The following GABBR2 variants were observed in gnomAD, a reference collection of about 807,000 sequenced individuals.
GABBR2 encodes gamma-aminobutyric acid type B receptor subunit 2.
Under a neutral mutation model 105.6 loss-of-function variants are expected in GABBR2, and 23 were observed. The observed-to-expected ratio is 0.22, with a 90% CI of 0.16 to 0.31. The LOEUF is 0.31. GABBR2 is among the 10% of genes least tolerant of loss of function. The pLI is 1.00. For missense variants in GABBR2, 734 were observed against 1,245.5 expected (o/e 0.59, Z 6.18); for synonymous variants, 478 against 499.7 (o/e 0.96, Z 0.58).
intron 13 of GABBR2, among the ~76,000 whole-genome samples, chr9:98,311,527 A>G (rs1358243938): frequency 6.6e-6 from 1 of 152,210 alleles, no homozygotes; most frequent in Admixed American, 6.5e-5. Context: ...AACCTGGCCC[A>G]ATGCAGGTAC....
chr9:98,373,851 CTT>C (rs577915397), intron 11 of GABBR2, among the ~76,000 whole-genome samples: 9 of 86,676 alleles, frequency 1.0e-4, no homozygotes, highest in Admixed American at 2.8e-4. Flanking sequence ...CAAAGCATTC[CTT>C]TTTTTTTTTT....
intron 7 of GABBR2, among the ~76,000 whole-genome samples, chr9:98,439,623 T>C (rs1057153980): frequency 6.6e-6 from 1 of 152,188 alleles, no homozygotes; most frequent in African/African-American, 2.4e-5. Context: ...GGGATGTGTG[T>C]GTGCATGCAT....
chr9:98,599,278 G>A (rs1184580112), intron 1 of GABBR2, among the ~76,000 whole-genome samples: 1 of 152,142 alleles, frequency 6.6e-6, no homozygotes, highest in Non-Finnish European at 1.5e-5. Flanking sequence ...CCCTTCTGGA[G>A]ATTTTATATG....
rs563523598 is a variant in GABBR2 at position 98,336,609 on chromosome 9, G to A, written c.1894-25404C>T. ...AGTCCCAGCTACTCGGGAGGCTGAG[G>A]CAGGAGAATCGCTTGAACCCAGGAG... On this transcript the variant is annotated intron_variant, in intron 13 of 18. Transcript: ENST00000259455. Among the ~76,000 whole-genome samples the A allele has an allele frequency of 2.6e-5, 4 of 152,238 alleles. No individual in the cohort carries two copies. In the South Asian group the frequency reaches 8.3e-4, roughly 32 times the overall value.
At chr9:98,385,307 A>G (rs1832052230) in intron 11 of GABBR2, among the ~76,000 whole-genome samples, 1 of 152,120 alleles carries the variant, frequency 6.6e-6, no homozygotes, top group South Asian at 2.1e-4. Context: ...GGCTCAAGCA[A>G]TCCTCCCTCC....
At chr9:98,474,960 G>C (rs184268372) in intron 5 of GABBR2, among the ~76,000 whole-genome samples, 1 of 152,068 alleles carries the variant, frequency 6.6e-6, no homozygotes, top group Non-Finnish European at 1.5e-5. Flanking sequence ...TGAGTTAAAA[G>C]ATTTGTTCCT....
chr9:98,407,443 C>A (rs952348606), intron 7 of GABBR2, among the ~76,000 whole-genome samples: 1 of 152,154 alleles, frequency 6.6e-6, no homozygotes, highest in African/African-American at 2.4e-5. Context: ...CTAATGCCCA[C>A]CGAATTCTAT....
intron 1 of GABBR2, among the ~76,000 whole-genome samples, chr9:98,650,391 AT>A: frequency 6.6e-6 from 1 of 152,308 alleles, no homozygotes; most frequent in African/African-American, 2.4e-5. Context: ...CTCCATTTAC[AT>A]TTTTTAAGTA....
intron 6 of GABBR2, among the ~76,000 whole-genome samples, chr9:98,456,753 T>C (rs1257865696): frequency 2.0e-5 from 3 of 152,270 alleles, no homozygotes; most frequent in Admixed American, 6.5e-5. Flanking sequence ...ATTTTCATTT[T>C]TAACTCAATT....
chr9:98,393,611 A>C (rs2131505968), intron 9 of GABBR2, among the ~76,000 whole-genome samples: 1 of 152,276 alleles, frequency 6.6e-6, no homozygotes, highest in East Asian at 1.9e-4. Flanking sequence ...AATAGGATCC[A>C]GTCAGGGGCT....
chr9:98,440,507 C>T (rs1280684827), intron 7 of GABBR2, among the ~76,000 whole-genome samples: 2 of 152,096 alleles, frequency 1.3e-5, no homozygotes, highest in South Asian at 2.1e-4. Context: ...TATAGTCCCC[C>T]ACTTCCCCCC....
rs61391834 is a variant in GABBR2 at position 98,364,601 on chromosome 9, A to ATTTTTTTTTTT, written c.1771-1775_1771-1765dup. 6.7e-4 allele frequency among the ~76,000 whole-genome samples: 91 copies of ATTTTTTTTTTT among 135,184 alleles called. No homozygotes were observed. In the South Asian group the frequency reaches 7.8e-3, roughly 12 times the overall value. The allele number at this position is 135,184 out of a possible 152,430, so 88.7% of individuals were successfully genotyped here. A position where few individuals can be genotyped will look rare whatever the true frequency, so the allele number is the denominator to read the frequency against. On this transcript the variant is annotated intron_variant, in intron 12 of 18. Coordinates refer to ENST00000259455, the MANE Select transcript of GABBR2 (RefSeq NM_005458.8). ...TCAAGTATGAAGTCTGAGGAAGTGG[A>ATTTTTTTTTTT]TTTTTTTTTTTTTTTTATGGAATCT...
In GABBR2 at chr9:98,432,964, G is replaced by T. The variant is rs150655502; in HGVS notation, c.1236+21017C>A. ...TCTGCTCCAAATCCCATCACTTTGG[G>T]GGTGTGTGGGAGAAATGGGACGTGT... On this transcript the variant is annotated intron_variant, in intron 7 of 18. Coordinates refer to ENST00000259455, the MANE Select transcript of GABBR2 (RefSeq NM_005458.8). Among the ~76,000 whole-genome samples, 12 of 152,310 alleles carry T rather than the reference G, an allele frequency of 7.9e-5. No individual in the cohort carries two copies. The East Asian group carries it at 1.7e-3, about 22-fold the overall frequency.
chr9:98,390,220 C>T (rs752024927), intron 9 of GABBR2, among the ~76,000 whole-genome samples: 37 of 151,632 alleles, frequency 2.4e-4, no homozygotes, highest in Non-Finnish European at 5.2e-4. Flanking sequence ...ACCGAAAATA[C>T]GAAAATAGCT....
chr9:98,690,731 T>C (rs1830672583), intron 1 of GABBR2, among the ~76,000 whole-genome samples: 1 of 152,122 alleles, frequency 6.6e-6, no homozygotes, highest in Non-Finnish European at 1.5e-5. Flanking sequence ...CATCAGGGAA[T>C]AAAGGAGAAA....
intron 1 of GABBR2, among the ~76,000 whole-genome samples, chr9:98,658,967 C>T (rs1830218849): frequency 6.6e-6 from 1 of 152,178 alleles, no homozygotes; most frequent in African/African-American, 2.4e-5. Flanking sequence ...GTACTCAAAG[C>T]CAATTTATTC....
At position 98,357,082 on chromosome 9, in the gene GABBR2, T is replaced by C. The variant is rs1057473836; in HGVS notation, c.1893+5633A>G. ...AACAGTGAATCTACTCTGTATGATA[T>C]TGTAATGGTGACTACATGACATGCA... On this transcript the variant is annotated intron_variant, in intron 13 of 18. Coordinates refer to ENST00000259455, the MANE Select transcript of GABBR2 (RefSeq NM_005458.8). Among the ~76,000 whole-genome samples the C allele has an allele frequency of 3.9e-5, 6 of 152,368 alleles. No individual in the cohort carries two copies. The East Asian group carries it at 5.8e-4, about 15-fold the overall frequency.
chr9:98,621,706 T>A (rs1339899992), intron 1 of GABBR2, among the ~76,000 whole-genome samples: 1 of 152,208 alleles, frequency 6.6e-6, no homozygotes, highest in Non-Finnish European at 1.5e-5. Flanking sequence ...ACTGCAAGAA[T>A]CAAAGTCATT....
chr9:98,594,142 C>G (rs1564125134), intron 1 of GABBR2, among the ~76,000 whole-genome samples: 2 of 152,218 alleles, frequency 1.3e-5, no homozygotes, highest in Admixed American at 6.5e-5. Context: ...TAAGGGGGTT[C>G]TGGGGTCCAG....
Sources: allele counts gnomAD v4.1 joint callset (sites outside exome capture counted in the v4.1 genomes callset), GRCh38; gene constraint gnomAD v4.1.1; transcripts MANE v1.5; gene names NCBI Gene and HGNC (gene_info 2026-07-23, HGNC 2026-07-21).